The following MACO1 variants were observed in gnomAD, a reference collection of about 807,000 sequenced individuals.
MACO1 encodes the protein macoilin 1, also known as macoilin.
A neutral mutation model predicts 78.7 loss-of-function variants in MACO1; 14 were observed. The observed-to-expected ratio is 0.18, with a 90% CI of 0.12 to 0.28. The LOEUF (loss-of-function observed/expected upper bound fraction) is 0.28. Ranked by LOEUF, MACO1 falls within the 10% of genes least tolerant of loss-of-function variation. MACO1 has a pLI of 1.00. For synonymous variants in MACO1, 288 were observed against 291.6 expected, an observed-to-expected ratio of 0.99 and a Z score of 0.12; for missense variants, 501 against 799.0, an observed-to-expected ratio of 0.63 and a Z score of 4.50.
chr1:25,498,780 A>G lies in MACO1; in HGVS notation c.*314A>G. On this transcript the variant is annotated 3_prime_UTR_variant, in exon 11 of 11. Transcript: ENST00000374343. ...TCTTACATAGTTTCCTCTTGAAGAA[A>G]AAAAAAGCAGAGTTTTTGTTTTTCA... The G allele has an allele frequency of 3.8e-6, 1 of 261,392 alleles. No homozygotes were observed. The highest frequency in any genetic ancestry group is 7.1e-6 in the Non-Finnish European group (1 of 140,414). 16.2% of individuals were successfully genotyped at this position (261,392 alleles called of 1,614,324 possible).
intron 6 of MACO1, among the ~76,000 whole-genome samples, chr1:25,473,631 C>T (rs1346708851): frequency 1.3e-5 from 2 of 152,144 alleles, no homozygotes; most frequent in African/African-American, 2.4e-5. Context: ...TGAGTCAGTA[C>T]CTCTGTTGGC....
At position 25,485,890 on chromosome 1, in the gene MACO1, C is replaced by A; in HGVS notation, c.1496+95C>A. 3 of 1,338,128 alleles carry A rather than the reference C, an allele frequency of 2.2e-6. No individual in the cohort carries two copies. The highest frequency in any genetic ancestry group is 3.1e-6 in the Non-Finnish European group (3 of 966,510). The allele number at this position is 1,338,128 out of a possible 1,614,324, so 82.9% of individuals were successfully genotyped here. A position where few individuals can be genotyped will look rare whatever the true frequency, so the allele number is the denominator to read the frequency against. On this transcript the variant is annotated intron_variant, in intron 8 of 10. Transcript: ENST00000374343. This position sits in a 1 kb window ranked among gnomAD's most constrained non-coding sequence, Gnocchi z 4.3. ...GGTGCCTTGGGCAGGATTGGACGTA[C>A]AGCAATCATGCACGGATGGATTGCT...
Position 25,492,815 on chromosome 1 carries a change from TAAATAGAGTACTGCATA to T in MACO1, c.1792+1245_1792+1261del, listed in dbSNP as rs545924182. On this transcript the variant is annotated intron_variant, in intron 10 of 10. Coordinates refer to ENST00000374343, the MANE Select transcript of MACO1 (RefSeq NM_018202.6). The stretch of plus-strand genomic sequence containing the variant: ...AAAAATAGAGTACTCTATAGAGTAC[TAAATAGAGTACTGCATA>T]AAATAGAGTACTGAAAAGAATTTTC... 1.7e-3 allele frequency among the ~76,000 whole-genome samples: 263 copies of T among 152,204 alleles called. 1 individual carries two copies. The highest frequency in any genetic ancestry group is 3.4e-3 in the Middle Eastern group (1 of 294).
In MACO1 at chr1:25,499,442, T is replaced by G. The variant is rs2043567509; in HGVS notation, c.*976T>G. 6.7e-6 allele frequency: 1 copy of G among 149,336 alleles called. No individual in the cohort carries two copies. Among genetic ancestry groups the G allele is most frequent in the African/African-American group, 2.5e-5 (1 of 40,770 alleles). The allele number at this position is 149,336 out of a possible 1,614,324, so 9.3% of individuals were successfully genotyped here. ...GCTAATAAAAGCTGCGGGTCTAGGT[T>G]TTTTTTTTTTTGTTTTGTTTTTTCA... On this transcript the variant is annotated 3_prime_UTR_variant, in exon 11 of 11. Coordinates refer to ENST00000374343, the MANE Select transcript of MACO1 (RefSeq NM_018202.6).
chr1:25,488,358 T>G (rs985930294), intron 8 of MACO1, among the ~76,000 whole-genome samples: 4 of 152,108 alleles, frequency 2.6e-5, no homozygotes, highest in Admixed American at 2.0e-4. Flanking sequence ...CCCAGTTATT[T>G]TAGAGTATTA....
chr1:25,474,410 C>T (rs753080538), intron 6 of MACO1, among the ~76,000 whole-genome samples: 1 of 152,182 alleles, frequency 6.6e-6, no homozygotes, highest in Non-Finnish European at 1.5e-5. Flanking sequence ...TTTCCTTTAG[C>T]AAGGACTTTT....
In MACO1 at chr1:25,448,698, T is replaced by C. The variant is rs1232707324; in HGVS notation, c.223-110T>C. The C allele has an allele frequency of 6.7e-6, 7 of 1,037,790 alleles. No homozygotes were observed. In the Admixed American group the frequency reaches 2.2e-4, roughly 32 times the overall value. The allele number at this position is 1,037,790 out of a possible 1,614,324, so 64.3% of individuals were successfully genotyped here. A position where few individuals can be genotyped will look rare whatever the true frequency, so the allele number is the denominator to read the frequency against. On this transcript the variant is annotated intron_variant, in intron 2 of 10. Transcript: ENST00000374343. The stretch of plus-strand genomic sequence containing the variant: ...GTGAATTTGCTTTACAGTTACCAAG[T>C]TATCTCTTAGCAGTTTCAATAATTT...
At chr1:25,471,552 T>C (rs1406149305) in intron 6 of MACO1, among the ~76,000 whole-genome samples, 1 of 152,208 alleles carries the variant, frequency 6.6e-6, no homozygotes, top group Non-Finnish European at 1.5e-5. Context: ...AGGGAACTTA[T>C]TTTCACTGGT....
At chr1:25,455,940 T>C (rs1207661733) in intron 4 of MACO1, among the ~76,000 whole-genome samples, 1 of 152,002 alleles carries the variant, frequency 6.6e-6, no homozygotes, top group Non-Finnish European at 1.5e-5. Context: ...TTTGGCTACC[T>C]GTAAAGTCTC....
In MACO1 at chr1:25,431,158, C is replaced by A; in HGVS notation, c.60C>A (p.Ile20=). ...GCCGCCCCCTAAAGCGGAACCGGAT[C>A]ACCGAGGGCATTTACGGCAGGTGAG... ...KLRRPLKRNR[I]TEGIYGSTFL... is the part of the protein sequence containing the mutation. The change falls in exon 1 of 11, where the codon ATC becomes ATA. Residue 20 remains isoleucine (I), a synonymous_variant. Transcript: ENST00000374343. 6.3e-7 allele frequency: 1 copy of A among 1,598,126 alleles called. No individual in the cohort carries two copies. Among genetic ancestry groups the A allele is most frequent in the Non-Finnish European group, 8.5e-7 (1 of 1,174,592 alleles).
intron 3 of MACO1, 101 bp downstream of exon 3, chr1:25,449,035 G>A: frequency 8.8e-7 from 1 of 1,142,690 alleles, no homozygotes; most frequent in Non-Finnish European, 1.1e-6. Flanking sequence ...GTTTAATGTG[G>A]ACATTTTAAA....
At chr1:25,493,825 C>T (rs1157987143) in intron 10 of MACO1, among the ~76,000 whole-genome samples, 9 of 150,908 alleles carry the variant, frequency 6.0e-5, no homozygotes, top group African/African-American at 2.0e-4. Flanking sequence ...CTCCAGCTCC[C>T]GGGTTCACGC....
intron 5 of MACO1, among the ~76,000 whole-genome samples, chr1:25,457,525 A>G (rs1045408345): frequency 1.3e-5 from 2 of 152,228 alleles, no homozygotes; most frequent in South Asian, 2.1e-4. Flanking sequence ...AGATGTAGAC[A>G]TGTAGAATTG....
Position 25,458,495 on chromosome 1 carries a change from C to G in MACO1, c.757C>G (p.Arg253Gly), listed in dbSNP as rs759045616. Residue 253 changes from arginine (R) to glycine (G), a missense_variant, in exon 6 of 11, where the codon CGA (arginine) becomes GGA (glycine). Arg to Gly is a moderately radical substitution (Grantham distance 125, BLOSUM62 -2). Around this residue, in one of 5 missense-constraint regions of MACO1, gnomAD observed 90 missense variants for 85.7 expected, o/e 1.05. Coordinates refer to ENST00000374343, the MANE Select transcript of MACO1 (RefSeq NM_018202.6). The stretch of plus-strand genomic sequence containing the variant: ...CACAACTTTGCCAGAGATAGAATAC[C>G]GAGAAAAAGGGAAAGAAAAGGACAA... The part of the protein sequence containing the change: ...LSTTLPEIEY[R>G]EKGKEKDKDA... The G allele has an allele frequency of 2.5e-6, 4 of 1,613,052 alleles. No homozygotes were observed. Among genetic ancestry groups the G allele is most frequent in the Non-Finnish European group, 3.4e-6 (4 of 1,179,786 alleles).
At chr1:25,456,907 G>A in intron 5 of MACO1, 76 bp downstream of exon 5, 1 of 1,462,988 alleles carries the variant, frequency 6.8e-7, no homozygotes. Context: ...TTCTTTTCTG[G>A]AAAAGTAGCT....
chr1:25,431,540 C>T (rs1178906335), intron 1 of MACO1, among the ~76,000 whole-genome samples: 1 of 151,666 alleles, frequency 6.6e-6, no homozygotes, highest in Non-Finnish European at 1.5e-5. Flanking sequence ...TCCGGGACCT[C>T]TGACTGGCCG....
intron 6 of MACO1, among the ~76,000 whole-genome samples, chr1:25,474,512 T>C (rs568214020): frequency 6.6e-6 from 1 of 152,340 alleles, no homozygotes; most frequent in Non-Finnish European, 1.5e-5. Flanking sequence ...TCTGTGCTCC[T>C]AGAAAATAGG....
chr1:25,449,005 A>AAT, intron 3 of MACO1, 71 bp downstream of exon 3: 14 of 1,330,192 alleles, frequency 1.1e-5, no homozygotes, highest in Non-Finnish European at 1.4e-5. Flanking sequence ...TATTTCTTTG[A>AAT]ATACATTATT....
intron 6 of MACO1, 102 bp downstream of exon 6, chr1:25,458,994 T>C (rs1021417925): frequency 4.3e-6 from 6 of 1,396,806 alleles, no homozygotes; most frequent in African/African-American, 1.4e-5. Flanking sequence ...TAATCAGATA[T>C]TGTGACTAGT....
Sources: gnomAD v4.1 joint callset for allele counts (sites outside exome capture counted in the v4.1 genomes callset) on GRCh38, gnomAD v4.1.1 for gene constraint, gnomAD v4.1.1 regional missense constraint, Gnocchi (gnomAD v3.1) non-coding constraint, MANE v1.5 for transcripts, NCBI Gene and HGNC (gene_info 2026-07-23, HGNC 2026-07-21) for gene names.